Variants in EVI5 observed in about 807,000 individuals in gnomAD.
EVI5 encodes the protein ecotropic viral integration site 5.
A neutral mutation model predicts 112.0 loss-of-function variants in EVI5; 73 were observed. The ratio of observed to expected loss-of-function variants is 0.65; its 90% CI spans 0.54 to 0.79. EVI5 has a LOEUF of 0.79. Among genes scored for constraint, EVI5 ranks in the 30% least tolerant of loss-of-function variants. The probability of loss-of-function intolerance (pLI) is 0.00; values close to 1 mark genes in which losing one functional copy is unlikely to be tolerated. For missense variants in EVI5, 900 were observed against 968.8 expected (o/e 0.93, Z 0.94); for synonymous variants, 305 against 319.9 (o/e 0.95, Z 0.50).
At chr1:92,658,366 T>C (rs1405394886) in intron 13 of EVI5, among the ~76,000 whole-genome samples, 3 of 152,174 alleles carry the variant, frequency 2.0e-5, no homozygotes, top group Non-Finnish European at 4.4e-5. Flanking sequence ...GCTCTTAGAT[T>C]TGATAAAAGA....
chr1:92,717,538 A>G (rs963829864), intron 2 of EVI5, among the ~76,000 whole-genome samples: 2 of 152,236 alleles, frequency 1.3e-5, no homozygotes, highest in African/African-American at 4.8e-5. Flanking sequence ...AGAGCTCCTG[A>G]AGGAAGCACT....
chr1:92,590,161 C>T (rs181072701), intron 18 of EVI5, among the ~76,000 whole-genome samples: 6 of 152,094 alleles, frequency 3.9e-5, no homozygotes, highest in Non-Finnish European at 7.3e-5. Context: ...CACAAAGATG[C>T]GGAAAAAACA....
intron 19 of EVI5, among the ~76,000 whole-genome samples, chr1:92,550,780 AAAT>A (rs1666722996): frequency 1.7e-5 from 1 of 59,486 alleles, no homozygotes; most frequent in African/African-American, 8.1e-5. Flanking sequence ...AAAAAAAAAA[AAAT>A]ATATATATAT....
At chr1:92,530,941 C>T (rs894298292) in intron 19 of EVI5, among the ~76,000 whole-genome samples, 12 of 151,882 alleles carry the variant, frequency 7.9e-5, no homozygotes, top group South Asian at 4.1e-4. Context: ...CTGAGTCTGA[C>T]GAATTGACAG....
chr1:92,615,162 C>A (rs1007008619), intron 16 of EVI5, among the ~76,000 whole-genome samples: 1 of 152,072 alleles, frequency 6.6e-6, no homozygotes, highest in African/African-American at 2.4e-5. Flanking sequence ...TCCTGATTTA[C>A]TATTTGTGAG....
In EVI5 at chr1:92,522,493, G is replaced by A. The variant is rs185488915; in HGVS notation, c.2167-8523C>T. Among the ~76,000 whole-genome samples the A allele has an allele frequency of 4.6e-5, 7 of 151,878 alleles. No homozygotes were observed. In the East Asian group the frequency reaches 7.8e-4, roughly 17 times the overall value. ...TCTACTAAAAATACAAAAATCAGCCGGGTGTGGTGGCAGGCACCTGTAATC... is the reference window on the plus strand; with the variant it reads ...TCTACTAAAAATACAAAAATCAGCCAGGTGTGGTGGCAGGCACCTGTAATC... On this transcript the variant is annotated intron_variant, in intron 19 of 19. Transcript: ENST00000684568.
chr1:92,617,889 T>C (rs1200040461), intron 16 of EVI5, among the ~76,000 whole-genome samples: 2 of 152,204 alleles, frequency 1.3e-5, no homozygotes, highest in Admixed American at 1.3e-4. Context: ...CGGAATACCT[T>C]AAACACCATC....
At chr1:92,623,021 T>G (rs369971135) in intron 16 of EVI5, among the ~76,000 whole-genome samples, 5 of 152,226 alleles carry the variant, frequency 3.3e-5, no homozygotes, top group African/African-American at 1.2e-4. Flanking sequence ...TCTACTGGAT[T>G]TGATTTATTC....
intron 19 of EVI5, among the ~76,000 whole-genome samples, chr1:92,516,522 T>C (rs1374304587): frequency 2.0e-5 from 3 of 152,194 alleles, no homozygotes; most frequent in Non-Finnish European, 4.4e-5. Flanking sequence ...ACTGAAGCTA[T>C]CCCTTGGTTA....
chr1:92,757,331 AAAAC>A (rs1681102387), intron 1 of EVI5, among the ~76,000 whole-genome samples: 2 of 152,214 alleles, frequency 1.3e-5, no homozygotes. Context: ...TTATAAGTCA[AAAAC>A]AAACGTTTAT....
intron 2 of EVI5, among the ~76,000 whole-genome samples, chr1:92,723,494 A>C (rs1675067507): frequency 6.6e-6 from 1 of 152,194 alleles, no homozygotes. Flanking sequence ...TAAATTATGA[A>C]GATTTCATGG....
intron 19 of EVI5, among the ~76,000 whole-genome samples, chr1:92,549,114 T>G (rs1376334640): frequency 6.6e-6 from 1 of 152,142 alleles, no homozygotes; most frequent in Non-Finnish European, 1.5e-5. Context: ...AAGGCTACAG[T>G]AACCAAAACA....
At chr1:92,626,387 C>G (rs149558435) in intron 14 of EVI5, among the ~76,000 whole-genome samples, 1,544 of 152,192 alleles carry the variant, frequency 0.01, 33 homozygotes, top group African/African-American at 0.035. Flanking sequence ...AAATGATATT[C>G]CACTGTATAG....
intron 19 of EVI5, among the ~76,000 whole-genome samples, chr1:92,523,748 T>C (rs550041779): frequency 1.3e-5 from 2 of 152,222 alleles, no homozygotes; most frequent in South Asian, 4.2e-4. Flanking sequence ...AGAGTACCCT[T>C]CTGACTTGCT....
chr1:92,549,256 C>T (rs1666358426), intron 19 of EVI5, among the ~76,000 whole-genome samples: 1 of 152,116 alleles, frequency 6.6e-6, no homozygotes, highest in Admixed American at 6.5e-5. Flanking sequence ...GAAAGGATTC[C>T]CTATTTAATA....
chr1:92,547,927 A>T (rs1309553037), intron 19 of EVI5, among the ~76,000 whole-genome samples: 11 of 152,226 alleles, frequency 7.2e-5, no homozygotes, highest in Admixed American at 3.3e-4. Flanking sequence ...TACAAGGAGG[A>T]GCTGGTACCA....
In EVI5 at chr1:92,569,660, C is replaced by T. The variant is rs576581982; in HGVS notation, c.2071-5923G>A. ...CACGAGGTCAAGAGATCGAGACCAT[C>T]CTGGCCAACATGGTGAAACGCTGTC... On this transcript the variant is annotated intron_variant, in intron 18 of 19. Transcript: ENST00000684568. Among the ~76,000 whole-genome samples, 6 of 151,954 alleles carry T rather than the reference C, an allele frequency of 3.9e-5. No individual in the cohort carries two copies. The East Asian group carries it at 1.2e-3, about 29-fold the overall frequency.
chr1:92,545,742 TAAA>T (rs769203392), intron 19 of EVI5, among the ~76,000 whole-genome samples: 7 of 152,160 alleles, frequency 4.6e-5, no homozygotes, highest in Non-Finnish European at 1.0e-4. Flanking sequence ...TACCACACTC[TAAA>T]AACAAACTGA....
intron 9 of EVI5, among the ~76,000 whole-genome samples, chr1:92,680,838 G>C (rs1300385373): frequency 6.6e-6 from 1 of 152,010 alleles, no homozygotes; most frequent in African/African-American, 2.4e-5. Flanking sequence ...GAAAAACTCA[G>C]ACTTTGAGAT....
Sources: allele counts gnomAD v4.1 joint callset (sites outside exome capture counted in the v4.1 genomes callset), GRCh38; gene constraint gnomAD v4.1.1; transcripts MANE v1.5; gene names NCBI Gene and HGNC (gene_info 2026-07-23, HGNC 2026-07-21).